The following ROCK1 variants were observed in gnomAD, a reference collection of about 807,000 sequenced individuals.
The protein encoded by ROCK1 is Rho associated coiled-coil containing protein kinase 1, also known as rho-associated protein kinase 1.
Under a neutral mutation model 196.8 loss-of-function variants are expected in ROCK1, and 36 were observed. That is an observed-to-expected ratio of 0.18 (90% CI 0.14 to 0.24). The LOEUF (loss-of-function observed/expected upper bound fraction) is 0.24. Ranked by LOEUF, ROCK1 falls within the 10% of genes least tolerant of loss-of-function variation. ROCK1 has a pLI of 1.00. For missense variants in ROCK1, 920 were observed against 1,562.0 expected (o/e 0.59, Z 6.93); for synonymous variants, 443 against 515.9 (o/e 0.86, Z 1.91).
intron 5 of ROCK1, among the ~76,000 whole-genome samples, chr18:21,044,601 G>T (rs933527800): frequency 6.6e-6 from 1 of 152,174 alleles, no homozygotes; most frequent in African/African-American, 2.4e-5. Flanking sequence ...TTCAAGCAGT[G>T]TTTGTACAAC....
chr18:21,079,502 G>A (rs538963506), intron 1 of ROCK1, among the ~76,000 whole-genome samples: 1 of 152,300 alleles, frequency 6.6e-6, no homozygotes, highest in African/African-American at 2.4e-5. Context: ...CCTGCAATGA[G>A]AAGGGAACTT....
chr18:21,013,786 G>A (rs2035838954), intron 13 of ROCK1, among the ~76,000 whole-genome samples: 1 of 152,132 alleles, frequency 6.6e-6, no homozygotes, highest in Non-Finnish European at 1.5e-5. Context: ...ACAGTTGGCT[G>A]GGCGCGGTGG....
intron 13 of ROCK1, among the ~76,000 whole-genome samples, chr18:21,010,131 A>G (rs1003293320): frequency 3.3e-5 from 5 of 151,714 alleles, no homozygotes; most frequent in African/African-American, 1.2e-4. Context: ...AATTTTGTTG[A>G]TCTTTTCACA....
chr18:20,974,902 A>G (rs2035465403), intron 22 of ROCK1, among the ~76,000 whole-genome samples: 1 of 152,212 alleles, frequency 6.6e-6, no homozygotes, highest in Non-Finnish European at 1.5e-5. Flanking sequence ...TTAAAAAGAA[A>G]GTGCTCTCCT....
intron 27 of ROCK1, among the ~76,000 whole-genome samples, chr18:20,964,073 T>C (rs867123165): frequency 2.0e-5 from 3 of 152,084 alleles, no homozygotes; most frequent in Admixed American, 6.5e-5. Flanking sequence ...TTATACTGAA[T>C]GATGAAATAT....
At chr18:21,087,773 C>T (rs981790842) in intron 1 of ROCK1, among the ~76,000 whole-genome samples, 1 of 152,146 alleles carries the variant, frequency 6.6e-6, no homozygotes, top group Non-Finnish European at 1.5e-5. Context: ...GAACTGGGCA[C>T]AAAATCATCA....
chr18:20,974,749 G>A (rs118089348), intron 22 of ROCK1, among the ~76,000 whole-genome samples: 3,434 of 152,196 alleles, frequency 0.023, 61 homozygotes, highest in Middle Eastern at 0.054. Flanking sequence ...TTGTTTACAG[G>A]TATATTTCAA....
At chr18:21,027,918 C>T (rs373671293) in intron 10 of ROCK1, among the ~76,000 whole-genome samples, 1,474 of 145,628 alleles carry the variant, frequency 0.01, 24 homozygotes, top group African/African-American at 0.035. Context: ...CCCGCTACCA[C>T]GCCCGGCTAA....
intron 10 of ROCK1, among the ~76,000 whole-genome samples, chr18:21,024,434 A>C (rs922291318): frequency 2.0e-5 from 3 of 152,230 alleles, no homozygotes; most frequent in South Asian, 4.1e-4. Flanking sequence ...AAGGTAAGGT[A>C]CTAGTACTGC....
At chr18:21,093,230 T>A (rs796436216) in intron 1 of ROCK1, among the ~76,000 whole-genome samples, 2 of 152,326 alleles carry the variant, frequency 1.3e-5, no homozygotes, top group African/African-American at 4.8e-5. Flanking sequence ...ACTCGTCTTG[T>A]AATCACAAGT....
At chr18:21,005,385 T>C (rs2035759945) in intron 16 of ROCK1, among the ~76,000 whole-genome samples, 1 of 152,180 alleles carries the variant, frequency 6.6e-6, no homozygotes, top group Non-Finnish European at 1.5e-5. Flanking sequence ...AATTCCTAGG[T>C]TTTAATAGTG....
chr18:21,035,686 G>T (rs546414638), intron 9 of ROCK1, among the ~76,000 whole-genome samples: 1 of 152,214 alleles, frequency 6.6e-6, no homozygotes, highest in East Asian at 1.9e-4. Context: ...AAAAGAGATA[G>T]CAATCTTAAG....
At chr18:21,027,658 G>A (rs1205310960) in intron 10 of ROCK1, among the ~76,000 whole-genome samples, 1 of 151,646 alleles carries the variant, frequency 6.6e-6, no homozygotes, top group Admixed American at 6.6e-5. Context: ...AGGAAATGGA[G>A]GCATAAAAGG....
chr18:21,078,373 C>CACACAGAG (rs1491188980), intron 1 of ROCK1, among the ~76,000 whole-genome samples: 939 of 66,140 alleles, frequency 0.014, 15 homozygotes, highest in African/African-American at 0.03. Flanking sequence ...CACACACACA[C>CACACAGAG]AGAGAGAGAG....
chr18:20,986,744 T>C (rs1405695282), intron 19 of ROCK1, among the ~76,000 whole-genome samples: 1 of 152,184 alleles, frequency 6.6e-6, no homozygotes, highest in Non-Finnish European at 1.5e-5. Flanking sequence ...AAAAATGGCA[T>C]AGATCACACA....
At chr18:21,050,752 T>A (rs190076930) in intron 2 of ROCK1, among the ~76,000 whole-genome samples, 1 of 152,316 alleles carries the variant, frequency 6.6e-6, no homozygotes, top group East Asian at 1.9e-4. Flanking sequence ...AATAAATACA[T>A]GTAACAGAGA....
At chr18:21,028,691 T>C (rs1467892777) in intron 10 of ROCK1, 85 bp downstream of exon 10, 2 of 1,226,224 alleles carry the variant, frequency 1.6e-6, no homozygotes, top group Non-Finnish European at 2.3e-6. Context: ...TTATATAGCA[T>C]TAAATCTACT....
intron 16 of ROCK1, 29 bp from the exon 17 acceptor site, chr18:20,992,966 G>GT: frequency 7.2e-7 from 1 of 1,382,102 alleles, no homozygotes; most frequent in Admixed American, 1.8e-5. Context: ...GTTCAAGTCT[G>GT]TAGTCATTGA....
chr18:21,045,503 T>C (rs1313515274), intron 4 of ROCK1, 36 bp from the exon 5 acceptor site: 2 of 1,464,724 alleles, frequency 1.4e-6, no homozygotes, highest in South Asian at 1.4e-5. Context: ...AACACATTCA[T>C]TAATGTTAAA....
Sources: gnomAD v4.1 joint callset for allele counts (sites outside exome capture counted in the v4.1 genomes callset) on GRCh38, gnomAD v4.1.1 for gene constraint, MANE v1.5 for transcripts, NCBI Gene and HGNC (gene_info 2026-07-23, HGNC 2026-07-21) for gene names.